TTLL4: variants seen among roughly 807,000 people sequenced by gnomAD.
The protein encoded by TTLL4 is tubulin monoglutamylase TTLL4.
Under a neutral mutation model 122.7 loss-of-function variants are expected in TTLL4, and 85 were observed. The ratio of observed to expected loss-of-function variants is 0.69; its 90% CI spans 0.58 to 0.83. The LOEUF is 0.83. Ranked by LOEUF, TTLL4 falls within the 40% of genes least tolerant of loss-of-function variation. The pLI is 0.00. For missense variants in TTLL4, 1,363 were observed against 1,488.6 expected, an observed-to-expected ratio of 0.92 and a Z score of 1.39; for synonymous variants, 553 against 563.0, an observed-to-expected ratio of 0.98 and a Z score of 0.25.
At chr2:218,729,763 CAAAAA>C (rs1303308653) in intron 2 of TTLL4, among the ~76,000 whole-genome samples, 1 of 129,772 alleles carries the variant, frequency 7.7e-6, no homozygotes, top group African/African-American at 2.8e-5. Context: ...AAAAAAAAAA[CAAAAA>C]AAAAAAAAAC....
intron 16 of TTLL4, among the ~76,000 whole-genome samples, chr2:218,752,082 T>A (rs1010024156): frequency 3.3e-5 from 5 of 151,974 alleles, no homozygotes; most frequent in African/African-American, 1.2e-4. Context: ...TAATTTTATA[T>A]TTTTTAGTAG....
chr2:218,747,257 C>T lies in TTLL4; in HGVS notation c.2167-33C>T, dbSNP rs769391839. ...GAGTGGGAACAACAGAGTATTGGAC[C>T]TGGAGCAAATCTCATCTCCTTTCTG... On this transcript the variant is annotated intron_variant, in intron 9 of 19. Transcript: ENST00000392102. This position sits in a 1 kb window ranked among gnomAD's most constrained non-coding sequence, Gnocchi z 4.7. 4 of 1,614,076 alleles carry T rather than the reference C, an allele frequency of 2.5e-6. No homozygotes were observed. The highest frequency in any genetic ancestry group is 3.4e-6 in the Non-Finnish European group (4 of 1,180,000).
At position 218,740,121 on chromosome 2, in the gene TTLL4, T is replaced by C. The variant is rs1248954683; in HGVS notation, c.1551T>C (p.Asp517=). 1 of 1,613,950 alleles carries C rather than the reference T, an allele frequency of 6.2e-7. No individual in the cohort carries two copies. The highest frequency in any genetic ancestry group is 8.5e-7 in the Non-Finnish European group (1 of 1,180,016). Residue 517 remains aspartate, a synonymous_variant, in exon 4 of 20, where the codon GAT becomes GAC. Coordinates refer to ENST00000392102, the MANE Select transcript of TTLL4 (RefSeq NM_014640.5). Reference sequence around the variant, plus strand: ...AAGATACAGAAGAAGAACTAGTAGATGGTTTGGAAGACTGTTGTAGCCGTG... The same window carrying C: ...AAGATACAGAAGAAGAACTAGTAGACGGTTTGGAAGACTGTTGTAGCCGTG... The part of the protein sequence containing the change: ...ETEDTEEELV[D]GLEDCCSRDE...
chr2:218,717,977 G>A (rs1941915438), intron 1 of TTLL4, among the ~76,000 whole-genome samples: 1 of 152,126 alleles, frequency 6.6e-6, no homozygotes, highest in Admixed American at 6.6e-5. Flanking sequence ...TTTTAGTAGA[G>A]ATGGGGTTTC....
At chr2:218,715,798 T>G (rs1204340680) in intron 1 of TTLL4, among the ~76,000 whole-genome samples, 1 of 151,784 alleles carries the variant, frequency 6.6e-6, no homozygotes, top group Admixed American at 6.6e-5. Flanking sequence ...CCTGGCTAAT[T>G]TTTTTGTATT....
intron 1 of TTLL4, among the ~76,000 whole-genome samples, chr2:218,718,570 G>A (rs1169671226): frequency 2.6e-5 from 4 of 152,030 alleles, no homozygotes; most frequent in African/African-American, 9.7e-5. Flanking sequence ...TAGAAATGGG[G>A]TTTCTCCATG....
intron 15 of TTLL4, 97 bp from the exon 16 acceptor site, chr2:218,751,607 C>A: frequency 6.8e-7 from 1 of 1,468,516 alleles, no homozygotes; most frequent in Non-Finnish European, 9.0e-7. Flanking sequence ...TGTCTTCTCT[C>A]AAGAAGGGTG....
chr2:218,759,202 C>T (rs1264896480), downstream of TTLL4, among the ~76,000 whole-genome samples: 1 of 151,916 alleles, frequency 6.6e-6, no homozygotes, highest in Non-Finnish European at 1.5e-5. Context: ...CCGAGATCGC[C>T]CCATTGCACT....
At chr2:218,739,244 C>T in intron 3 of TTLL4, 81 bp downstream of exon 3, 2 of 1,479,362 alleles carry the variant, frequency 1.4e-6, no homozygotes, top group Non-Finnish European at 1.8e-6. Context: ...CCCTGTACCT[C>T]TGAAGGTTGG....
In TTLL4 at chr2:218,747,171, C is replaced by T. The variant is rs144523580; in HGVS notation, c.2143C>T (p.Arg715Cys). 61 of 1,614,162 alleles carry T rather than the reference C, an allele frequency of 3.8e-5. No homozygotes were observed. The African/African-American group carries it at 3.9e-4, about 10-fold the overall frequency. Residue 715 changes from arginine (R) to cysteine (C), a missense_variant, in exon 9 of 20, where the codon CGC (arginine) becomes TGC (cysteine). Coordinates refer to ENST00000392102, the MANE Select transcript of TTLL4 (RefSeq NM_014640.5). This position sits in a 1 kb window ranked among gnomAD's most constrained non-coding sequence, Gnocchi z 4.7. ...GCGCAAAGCGTGGGAGAGCAGCAGC[C>T]GCCAAAAGTGGATTGTGAAGCCAGT... The part of the protein sequence containing the change: ...LLRKAWESSS[R>C]QKWIVKPPAS...
chr2:218,733,381 A>G (rs1942432097), intron 2 of TTLL4, among the ~76,000 whole-genome samples: 1 of 152,170 alleles, frequency 6.6e-6, no homozygotes, highest in Non-Finnish European at 1.5e-5. Flanking sequence ...ACGTCTTCAC[A>G]TGGCCAGAGC....
At position 218,738,804 on chromosome 2, in the gene TTLL4, C is replaced by G; in HGVS notation, c.1128C>G (p.Ser376Arg). The G allele has an allele frequency of 2.5e-6, 4 of 1,614,210 alleles. No homozygotes were observed. Among genetic ancestry groups the G allele is most frequent in the Non-Finnish European group, 3.4e-6 (4 of 1,180,036 alleles). The change falls in exon 3 of 20, where the codon AGC becomes AGG. Residue 376 changes from serine (S) to arginine (R), a missense_variant. By Grantham distance (110) the Ser-to-Arg change is moderately radical. Around this residue, in one of 3 missense-constraint regions of TTLL4, gnomAD observed 760 missense variants for 808.4 expected, o/e 0.94. Coordinates refer to ENST00000392102, the MANE Select transcript of TTLL4 (RefSeq NM_014640.5). ...TCCAGTGGAATGTCCTCAACAGGAGCAGGCGGTGGAAACCTCCTGCGGTAA... is the reference window on the plus strand; with the variant it reads ...TCCAGTGGAATGTCCTCAACAGGAGGAGGCGGTGGAAACCTCCTGCGGTAA... ...PSFQWNVLNR[S>R]RRWKPPAVNQ...
At chr2:218,731,958 C>A (rs1286142753) in intron 2 of TTLL4, among the ~76,000 whole-genome samples, 1 of 152,178 alleles carries the variant, frequency 6.6e-6, no homozygotes, top group Non-Finnish European at 1.5e-5. Flanking sequence ...CCCTCCTGTT[C>A]CCTAGGGATC....
chr2:218,716,506 C>A (rs376161075), intron 1 of TTLL4, among the ~76,000 whole-genome samples: 2 of 152,170 alleles, frequency 1.3e-5, no homozygotes. Context: ...TACACTGTGT[C>A]GGGCTGGGCG....
chr2:218,752,133 C>A (rs1943038060), intron 16 of TTLL4, among the ~76,000 whole-genome samples: 1 of 152,128 alleles, frequency 6.6e-6, no homozygotes, highest in South Asian at 2.1e-4. Flanking sequence ...GTCTCAACCT[C>A]CCAACCTCAA....
At position 218,751,773 on chromosome 2, in the gene TTLL4, A is replaced by C. The variant is rs753448202; in HGVS notation, c.2943A>C (p.Lys981Asn). ...ATGTCACTGCACAGAAGATGAAGAA[A>C]GCCTATTATCTGACCCAGAAAATTC... ...PEHVTAQKMK[K>N]AYYLTQKIPD... Residue 981 changes from lysine (K) to asparagine (N), a missense_variant, in exon 16 of 20, where the codon AAA becomes AAC. Around this residue, in one of 3 missense-constraint regions of TTLL4, gnomAD observed 596 missense variants for 655.8 expected, o/e 0.91. Coordinates refer to ENST00000392102, the MANE Select transcript of TTLL4 (RefSeq NM_014640.5). 2 of 1,613,548 alleles carry C rather than the reference A, an allele frequency of 1.2e-6. No individual in the cohort carries two copies. Among genetic ancestry groups the C allele is most frequent in the South Asian group, 1.1e-5 (1 of 91,014 alleles).
At chr2:218,745,037 A>T in intron 5 of TTLL4, 72 bp from the exon 6 acceptor site, 1 of 1,565,006 alleles carries the variant, frequency 6.4e-7, no homozygotes, top group South Asian at 1.2e-5. Flanking sequence ...AATAAATCGT[A>T]CGTCGTAGTA....
At chr2:218,759,684 AGTATT>A (rs1409678605), downstream of TTLL4, among the ~76,000 whole-genome samples, 1 of 152,218 alleles carries the variant, frequency 6.6e-6, no homozygotes, top group Non-Finnish European at 1.5e-5. Context: ...ATGGGTGAGT[AGTATT>A]GTATGTAAGT....
At chr2:218,732,653 C>G (rs80272869) in intron 2 of TTLL4, among the ~76,000 whole-genome samples, 5 of 152,174 alleles carry the variant, frequency 3.3e-5, no homozygotes, top group African/African-American at 1.2e-4. Context: ...TCCTTCACTT[C>G]TTAGATTTTG....
Sources: gnomAD v4.1 joint callset for allele counts (sites outside exome capture counted in the v4.1 genomes callset) on GRCh38, gnomAD v4.1.1 for gene constraint, gnomAD v4.1.1 regional missense constraint, Gnocchi (gnomAD v3.1) non-coding constraint, MANE v1.5 for transcripts, NCBI Gene and HGNC (gene_info 2026-07-23, HGNC 2026-07-21) for gene names.